Variants in EMILIN2 observed in about 807,000 individuals in gnomAD.
EMILIN2 encodes EMILIN-2.
A neutral mutation model predicts 87.1 loss-of-function variants in EMILIN2; 71 were observed. The ratio of observed to expected loss-of-function variants is 0.82; its 90% CI spans 0.67 to 0.99. The LOEUF is 0.99. Among genes scored for constraint, EMILIN2 ranks in the 50% least tolerant of loss-of-function variants. EMILIN2 has a pLI of 0.00. For missense variants in EMILIN2, 1,407 were observed against 1,371.8 expected, an observed-to-expected ratio of 1.03 and a Z score of -0.40; for synonymous variants, 581 against 563.4, an observed-to-expected ratio of 1.03 and a Z score of -0.44.
intron 2 of EMILIN2, among the ~76,000 whole-genome samples, chr18:2,873,489 C>T (rs57850138): frequency 0.034 from 5,087 of 151,282 alleles, 285 homozygotes; most frequent in African/African-American, 0.12. Context: ...GGGTGGATCA[C>T]GAGGTCAGGA....
intron 2 of EMILIN2, among the ~76,000 whole-genome samples, chr18:2,861,913 C>A (rs568429291): frequency 6.6e-6 from 1 of 152,100 alleles, no homozygotes; most frequent in African/African-American, 2.4e-5. Context: ...TTTCATTGAG[C>A]AGTGGTTTGT....
rs2076959302 is a variant in EMILIN2, at chr18:2,914,972, GAAAGCGCCC to G, written c.*1569_*1577del. 1.3e-5 allele frequency: 2 copies of G among 152,284 alleles called. No homozygotes were observed. Among genetic ancestry groups the G allele is most frequent in the African/African-American group, 4.8e-5 (2 of 41,458 alleles). 9.4% of individuals were successfully genotyped at this position (152,284 alleles called of 1,614,324 possible). Reference sequence around the variant, plus strand: ...TTGGCTGTCCTAGGAATGACTCATGGAAAGCGCCCCAGTGCAGCAGTGTTTTCAGGAAAA... The same window carrying G: ...TTGGCTGTCCTAGGAATGACTCATGGCAGTGCAGCAGTGTTTTCAGGAAAA... On this transcript the variant is annotated 3_prime_UTR_variant, in exon 8 of 8. Transcript: ENST00000254528.
Position 2,847,911 on chromosome 18 carries a change from G to C in EMILIN2, c.237G>C (p.Met79Ile). The C allele has an allele frequency of 6.2e-7, 1 of 1,612,062 alleles. No individual in the cohort carries two copies. The highest frequency in any genetic ancestry group is 8.5e-7 in the Non-Finnish European group (1 of 1,179,518). ...QAQYNCAWNQMPCPSALVYRV... is the reference protein window; with the variant it reads ...QAQYNCAWNQIPCPSALVYRV... ...AGTACAACTGTGCCTGGAACCAGAT[G>C]CCCTGTCCGTCGGCGCTGGTGTAAG... The change falls in exon 2 of 8, where the codon ATG (methionine) becomes ATC (isoleucine). Residue 79 changes from methionine to isoleucine, a missense_variant. Coordinates refer to ENST00000254528, the MANE Select transcript of EMILIN2 (RefSeq NM_032048.3). This position sits in a 1 kb window ranked among gnomAD's most constrained non-coding sequence, Gnocchi z 4.5.
chr18:2,871,158 C>T (rs1189482716), intron 2 of EMILIN2, among the ~76,000 whole-genome samples: 1 of 152,156 alleles, frequency 6.6e-6, no homozygotes, highest in African/African-American at 2.4e-5. Context: ...CAGTCCAGAA[C>T]ACTGTGGTTG....
chr18:2,888,579 G>A (rs550338322), intron 3 of EMILIN2, among the ~76,000 whole-genome samples: 46 of 152,082 alleles, frequency 3.0e-4, no homozygotes, highest in African/African-American at 1.1e-3. Context: ...GCCGGGCATG[G>A]TGGTGGGCAC....
chr18:2,868,655 G>T (rs1471144147), intron 2 of EMILIN2, among the ~76,000 whole-genome samples: 3 of 152,244 alleles, frequency 2.0e-5, no homozygotes, highest in Non-Finnish European at 4.4e-5. Flanking sequence ...AACCAGTCAG[G>T]CGTGGGGGCG....
rs1199946519 is a variant in EMILIN2 at position 2,894,165 on chromosome 18, C to A, written c.2359+1679C>A. On this transcript the variant is annotated intron_variant, in intron 4 of 7. Transcript: ENST00000254528. The surrounding 1 kb of genome is among the most constrained non-coding windows in gnomAD (Gnocchi z 5.0). ...AGATGAGACATAAAACCCAAGGCAG[C>A]GTAGGCTAGAACGTGGGAAGCAGGC... Among the ~76,000 whole-genome samples the A allele has an allele frequency of 6.6e-6, 1 of 152,126 alleles. No individual in the cohort carries two copies. The highest frequency in any genetic ancestry group is 1.9e-4 in the East Asian group (1 of 5,192).
intron 4 of EMILIN2, 74 bp downstream of exon 4, chr18:2,892,560 G>A: frequency 2.7e-6 from 4 of 1,494,898 alleles, no homozygotes. Context: ...ATAATTTTTT[G>A]TTCATTTTTG....
At chr18:2,884,226 G>T (rs1007364933) in intron 2 of EMILIN2, among the ~76,000 whole-genome samples, 2 of 151,980 alleles carry the variant, frequency 1.3e-5, no homozygotes, top group Non-Finnish European at 2.9e-5. Flanking sequence ...AAAGTGCTCA[G>T]ATTACAGGCG....
intron 4 of EMILIN2, among the ~76,000 whole-genome samples, chr18:2,901,542 C>T (rs2076888181): frequency 6.6e-6 from 1 of 152,238 alleles, no homozygotes; most frequent in African/African-American, 2.4e-5. Flanking sequence ...GTCAGGTTCA[C>T]CCATGGTGAG....
rs1170446870 is a variant in EMILIN2 at position 2,847,023 on chromosome 18, C to A, written c.-166C>A. 2.9e-6 allele frequency: 3 copies of A among 1,050,550 alleles called. No homozygotes were observed. The highest frequency in any genetic ancestry group is 1.7e-5 in the African/African-American group (1 of 58,036). The allele number at this position is 1,050,550 out of a possible 1,614,324, so 65.1% of individuals were successfully genotyped here. On this transcript the variant is annotated 5_prime_UTR_variant, in exon 1 of 8. Transcript: ENST00000254528. The surrounding 1 kb of genome is among the most constrained non-coding windows in gnomAD (Gnocchi z 4.5). ...GGGGCTGCAGAAGGAGAAGTAGGAACGAGAAGCCGGAGGGGGCGGCCGCGG... is the reference window on the plus strand; with the variant it reads ...GGGGCTGCAGAAGGAGAAGTAGGAAAGAGAAGCCGGAGGGGGCGGCCGCGG...
intron 7 of EMILIN2, among the ~76,000 whole-genome samples, chr18:2,911,255 G>A (rs1034575075): frequency 8.5e-5 from 13 of 152,170 alleles, no homozygotes; most frequent in African/African-American, 3.1e-4. Context: ...TTGGGGGGCC[G>A]TCCGCATGCA....
intron 5 of EMILIN2, among the ~76,000 whole-genome samples, chr18:2,908,639 C>A (rs2076926161): frequency 6.6e-6 from 1 of 152,220 alleles, no homozygotes; most frequent in Non-Finnish European, 1.5e-5. Flanking sequence ...GTGTGACTCT[C>A]TCAGTCACAG....
rs2076642981 is a variant in EMILIN2 at position 2,858,578 on chromosome 18, T to TGC, written c.257+10648_257+10649insCG. ...ATATATATATATATATATGTGTGTG[T>TGC]GTGTGTATATATATATATATATATG... On this transcript the variant is annotated intron_variant, in intron 2 of 7. Coordinates refer to ENST00000254528, the MANE Select transcript of EMILIN2 (RefSeq NM_032048.3). 9.3e-5 allele frequency among the ~76,000 whole-genome samples: 8 copies of TGC among 85,646 alleles called. 1 individual carries two copies. The highest frequency in any genetic ancestry group is 1.4e-4 in the Non-Finnish European group (7 of 48,848). 56.2% of individuals were successfully genotyped at this position (85,646 alleles called of 152,430 possible). A position where few individuals can be genotyped will look rare whatever the true frequency, so the allele number is the denominator to read the frequency against.
chr18:2,861,309 A>G (rs1262322677), intron 2 of EMILIN2, among the ~76,000 whole-genome samples: 1 of 152,188 alleles, frequency 6.6e-6, no homozygotes, highest in African/African-American at 2.4e-5. Flanking sequence ...GTCCTTGCCC[A>G]TGCCTATGTC....
chr18:2,878,797 T>G (rs1186241174), intron 2 of EMILIN2, among the ~76,000 whole-genome samples: 1 of 152,294 alleles, frequency 6.6e-6, no homozygotes, highest in African/African-American at 2.4e-5. Flanking sequence ...GTCAATACTG[T>G]GTTCCCACAC....
At position 2,847,810 on chromosome 18, in the gene EMILIN2, A is replaced by G. The variant is rs2076583141; in HGVS notation, c.136A>G (p.Asn46Asp). 1 of 1,612,924 alleles carries G rather than the reference A, an allele frequency of 6.2e-7. No individual in the cohort carries two copies. The highest frequency in any genetic ancestry group is 1.3e-5 in the African/African-American group (1 of 74,894). ...YPARPSARNK[N>D]WCAYIVNKNV... is the part of the protein sequence containing the mutation. ...CTCCCTCTCTCTCCTGCACCCCAGG[A>G]ACTGGTGCGCCTACATCGTGAACAA... The change falls in exon 2 of 8, where the codon AAC becomes GAC. Residue 46 changes from asparagine (N) to aspartate (D), a missense_variant and splice_region_variant. By Grantham distance (23) the Asn-to-Asp change is conservative. Coordinates refer to ENST00000254528, the MANE Select transcript of EMILIN2 (RefSeq NM_032048.3). The surrounding 1 kb of genome is among the most constrained non-coding windows in gnomAD (Gnocchi z 4.5).
chr18:2,859,383 A>G (rs1055690735), intron 2 of EMILIN2, among the ~76,000 whole-genome samples: 2 of 151,986 alleles, frequency 1.3e-5, no homozygotes, highest in Non-Finnish European at 2.9e-5. Context: ...GGAATTGTCC[A>G]TTCATGTCCT....
intron 3 of EMILIN2, among the ~76,000 whole-genome samples, chr18:2,888,597 C>T (rs1472279066): frequency 6.6e-6 from 1 of 151,732 alleles, no homozygotes; most frequent in Non-Finnish European, 1.5e-5. Context: ...CACCTGTAGT[C>T]CCAGCTACTC....
Sources: allele counts gnomAD v4.1 joint callset (sites outside exome capture counted in the v4.1 genomes callset), GRCh38; gene constraint gnomAD v4.1.1; non-coding constraint Gnocchi (gnomAD v3.1); transcripts MANE v1.5; gene names NCBI Gene and HGNC (gene_info 2026-07-23, HGNC 2026-07-21).